The following GPC6 variants were observed in gnomAD, a reference collection of about 807,000 sequenced individuals.
GPC6 encodes glypican 6.
In GPC6, 14 loss-of-function variants were observed where a neutral mutation model predicts 55.2. The observed-to-expected ratio is 0.25, with a 90% CI of 0.17 to 0.40. The LOEUF is 0.40. Among genes scored for constraint, GPC6 ranks in the 10% least tolerant of loss-of-function variants. The probability of loss-of-function intolerance (pLI) is 1.00; values close to 1 mark genes in which losing one functional copy is unlikely to be tolerated. For synonymous variants in GPC6, 278 were observed against 259.6 expected, an observed-to-expected ratio of 1.07 and a Z score of -0.68; for missense variants, 641 against 708.5, an observed-to-expected ratio of 0.90 and a Z score of 1.08.
At chr13:93,231,639 A>T (rs1318856427) in intron 1 of GPC6, among the ~76,000 whole-genome samples, 1 of 151,742 alleles carries the variant, frequency 6.6e-6, no homozygotes, top group Non-Finnish European at 1.5e-5. Context: ...TTCTGGCAAG[A>T]TATAGTTACA....
At chr13:94,056,894 G>A (rs1310731327) in intron 4 of GPC6, among the ~76,000 whole-genome samples, 1 of 152,188 alleles carries the variant, frequency 6.6e-6, no homozygotes, top group African/African-American at 2.4e-5. Context: ...AGGAATGGCT[G>A]TAAGCCTGTT....
chr13:93,510,623 A>T (rs968167107), intron 1 of GPC6, among the ~76,000 whole-genome samples: 2 of 151,958 alleles, frequency 1.3e-5, no homozygotes, highest in African/African-American at 4.8e-5. Context: ...GAAACATGCA[A>T]ATGCAGGTAT....
chr13:93,818,570 A>G (rs1886941694), intron 2 of GPC6: 1 of 152,122 alleles, frequency 6.6e-6, no homozygotes, highest in Non-Finnish European at 1.5e-5. Flanking sequence ...TCCTTCCCGC[A>G]TCGTGGGACA....
intron 1 of GPC6, among the ~76,000 whole-genome samples, chr13:93,397,032 CATT>C (rs1875884152): frequency 6.6e-6 from 1 of 152,150 alleles, no homozygotes; most frequent in Non-Finnish European, 1.5e-5. Context: ...TATCCTTCAT[CATT>C]TGTTTCCAAC....
At chr13:93,727,913 C>CAG (rs1161440587) in intron 2 of GPC6, among the ~76,000 whole-genome samples, 1 of 152,148 alleles carries the variant, frequency 6.6e-6, no homozygotes, top group Non-Finnish European at 1.5e-5. Context: ...GGCTGCTTCA[C>CAG]AGAGAGAGTC....
chr13:93,556,801 T>C (rs1482748383), intron 2 of GPC6, among the ~76,000 whole-genome samples: 1 of 152,126 alleles, frequency 6.6e-6, no homozygotes, highest in Non-Finnish European at 1.5e-5. Context: ...TGAGAACATA[T>C]GATGTTTGTC....
chr13:94,134,452 A>T (rs1027587198), intron 4 of GPC6, among the ~76,000 whole-genome samples: 2 of 152,224 alleles, frequency 1.3e-5, no homozygotes, highest in Non-Finnish European at 2.9e-5. Flanking sequence ...CCCCAGAAGA[A>T]TGTGTCCCCC....
chr13:94,237,587 G>GAGAGGA (rs1384246939), intron 4 of GPC6, among the ~76,000 whole-genome samples: 1 of 152,140 alleles, frequency 6.6e-6, no homozygotes, highest in Non-Finnish European at 1.5e-5. Flanking sequence ...ATTGAACAAG[G>GAGAGGA]AGACGAAGAG....
chr13:93,541,403 C>A (rs1226903617), intron 1 of GPC6, among the ~76,000 whole-genome samples: 2 of 104,586 alleles, frequency 1.9e-5, no homozygotes, highest in Admixed American at 1.1e-4. Context: ...ATATGTGCCA[C>A]ATTTTCTTAA....
intron 1 of GPC6, among the ~76,000 whole-genome samples, chr13:93,393,125 TATAGAGAGAGAGAG>T (rs1307181653): frequency 1.1e-4 from 11 of 96,748 alleles, no homozygotes; most frequent in South Asian, 7.9e-4. Context: ...TATATATATA[TATAGAGAGAGAGAG>T]AGAGAGAGAG....
At chr13:93,494,041 G>T (rs1321131356) in intron 1 of GPC6, among the ~76,000 whole-genome samples, 1 of 127,870 alleles carries the variant, frequency 7.8e-6, no homozygotes, top group South Asian at 2.6e-4. Context: ...TATTAGGTCC[G>T]CTTGGTGCAG....
intron 2 of GPC6, among the ~76,000 whole-genome samples, chr13:93,653,341 T>A (rs1461837582): frequency 2.6e-5 from 4 of 152,184 alleles, no homozygotes; most frequent in African/African-American, 9.7e-5. Flanking sequence ...TAAATTATAT[T>A]CTTCCTTAAA....
At chr13:93,434,834 G>A (rs1254183524) in intron 1 of GPC6, among the ~76,000 whole-genome samples, 2 of 152,090 alleles carry the variant, frequency 1.3e-5, no homozygotes, top group Non-Finnish European at 2.9e-5. Flanking sequence ...CGCCTCCCAA[G>A]TAGCTGGAAT....
intron 2 of GPC6, among the ~76,000 whole-genome samples, chr13:93,599,143 G>A (rs1877894280): frequency 6.6e-6 from 1 of 152,150 alleles, no homozygotes; most frequent in Admixed American, 6.5e-5. Context: ...ATACCGAAAA[G>A]TTCCTTGATA....
At chr13:93,390,210 A>T (rs1406735976) in intron 1 of GPC6, among the ~76,000 whole-genome samples, 2 of 151,864 alleles carry the variant, frequency 1.3e-5, no homozygotes, top group South Asian at 2.1e-4. Context: ...TAGAAGGTTT[A>T]GTTTTCCAAA....
chr13:93,739,915 A>G (rs1436362200), intron 2 of GPC6, among the ~76,000 whole-genome samples: 1 of 152,200 alleles, frequency 6.6e-6, no homozygotes, highest in Non-Finnish European at 1.5e-5. Context: ...AGATTGTGAA[A>G]GGTACTATGA....
rs146274419 is a variant in GPC6, at chr13:93,805,122, G to A, written c.320-25032G>A. Among the ~76,000 whole-genome samples, 34 of 152,112 alleles carry A rather than the reference G, an allele frequency of 2.2e-4. No homozygotes were observed. The East Asian group carries it at 4.6e-3, about 21-fold the overall frequency. ...ACCAGGATAACAAATATAAGAAAGC[G>A]GTAATGAGGTTTAAGAATAATTTAC... On this transcript the variant is annotated intron_variant, in intron 2 of 8. Coordinates refer to ENST00000377047, the MANE Select transcript of GPC6 (RefSeq NM_005708.5).
At chr13:93,219,761 T>C in the GPC6 span, among the ~76,000 whole-genome samples, 1 of 152,208 alleles carries the variant, frequency 6.6e-6, no homozygotes, top group Non-Finnish European at 1.5e-5. Context: ...CAATATATCA[T>C]CATAGATAGC....
chr13:93,512,343 G>A (rs1881013367), intron 1 of GPC6, among the ~76,000 whole-genome samples: 1 of 151,928 alleles, frequency 6.6e-6, no homozygotes, highest in Admixed American at 6.6e-5. Context: ...ATATTGAGGT[G>A]TGTTCTGTCT....
Sources: allele counts gnomAD v4.1 joint callset (sites outside exome capture counted in the v4.1 genomes callset), GRCh38; gene constraint gnomAD v4.1.1; transcripts MANE v1.5; gene names NCBI Gene and HGNC (gene_info 2026-07-23, HGNC 2026-07-21).